The following LGSN variants were observed in gnomAD, a reference collection of about 807,000 sequenced individuals.
The protein encoded by LGSN is lengsin, lens protein with glutamine synthetase domain, also known as lengsin.
In LGSN, 21 loss-of-function variants were observed where a neutral mutation model predicts 19.5. That is an observed-to-expected ratio of 1.07 (90% CI 0.76 to 1.55). The LOEUF is 1.55. LGSN is among the 40% of genes most tolerant of loss of function. The pLI is 0.00. For synonymous variants in LGSN, 257 were observed against 215.6 expected, an observed-to-expected ratio of 1.19 and a Z score of -1.68; for missense variants, 673 against 608.5, an observed-to-expected ratio of 1.11 and a Z score of -1.12.
At chr6:63,387,326 A>G in the LGSN span, among the ~76,000 whole-genome samples, 2 of 152,180 alleles carry the variant, frequency 1.3e-5, no homozygotes, top group Admixed American at 6.5e-5. Flanking sequence ...TACTGAATAC[A>G]TAACGATGCA....
chr6:63,298,945 A>G (rs1285034413), intron 1 of LGSN, among the ~76,000 whole-genome samples: 1 of 152,228 alleles, frequency 6.6e-6, no homozygotes, highest in Non-Finnish European at 1.5e-5. Context: ...GAATCTGCTA[A>G]TCTTTTGGCT....
At chr6:63,295,952 T>G in intron 1 of LGSN, among the ~76,000 whole-genome samples, 1 of 152,180 alleles carries the variant, frequency 6.6e-6, no homozygotes, top group East Asian at 1.9e-4. Flanking sequence ...GGTCAAAAAG[T>G]ATGCTGTAAA....
At chr6:63,564,811 C>G in the LGSN span, among the ~76,000 whole-genome samples, 2 of 152,276 alleles carry the variant, frequency 1.3e-5, no homozygotes, top group African/African-American at 4.8e-5. Context: ...GGCTATAGAA[C>G]AGCAACAGAA....
At chr6:63,431,838 A>T in the LGSN span, among the ~76,000 whole-genome samples, 1 of 151,818 alleles carries the variant, frequency 6.6e-6, no homozygotes, top group Non-Finnish European at 1.5e-5. Context: ...AGGCTGAGGC[A>T]GGCGAATCAC....
At chr6:63,487,696 C>T in the LGSN span, among the ~76,000 whole-genome samples, 2 of 152,194 alleles carry the variant, frequency 1.3e-5, no homozygotes, top group African/African-American at 2.4e-5. Context: ...ATAAATAAAA[C>T]AGGGCTGAGC....
intron 1 of LGSN, among the ~76,000 whole-genome samples, chr6:63,307,045 C>T (rs1207053923): frequency 6.6e-6 from 1 of 152,018 alleles, no homozygotes; most frequent in Non-Finnish European, 1.5e-5. Flanking sequence ...GCAGTGACCA[C>T]CTGTCTTTTC....
chr6:63,505,880 A>G, the LGSN span, among the ~76,000 whole-genome samples: 61 of 152,080 alleles, frequency 4.0e-4, no homozygotes, highest in African/African-American at 1.4e-3. Context: ...GTCTGGTCTC[A>G]AACTCCTGAC....
At chr6:63,296,559 G>T (rs1484692790) in intron 1 of LGSN, among the ~76,000 whole-genome samples, 1 of 151,634 alleles carries the variant, frequency 6.6e-6, no homozygotes, top group Non-Finnish European at 1.5e-5. Context: ...ACTTAGCCAG[G>T]TATATAATTA....
chr6:63,373,555 G>A, the LGSN span, among the ~76,000 whole-genome samples: 18,425 of 152,100 alleles, frequency 0.12, 2,447 homozygotes, highest in African/African-American at 0.33. Context: ...GTAATCTTAA[G>A]AAATGTTAGG....
the LGSN span, among the ~76,000 whole-genome samples, chr6:63,477,725 G>T: frequency 9.5e-6 from 1 of 104,922 alleles, no homozygotes; most frequent in Non-Finnish European, 1.8e-5. Flanking sequence ...GTAGAGATGG[G>T]GTCTCACTCT....
intron 1 of LGSN, among the ~76,000 whole-genome samples, chr6:63,301,305 C>A (rs1768174606): frequency 6.6e-6 from 1 of 151,778 alleles, no homozygotes; most frequent in Non-Finnish European, 1.5e-5. Flanking sequence ...AAAATAAATA[C>A]AATAAAATAA....
the LGSN span, chr6:63,441,400 GA>G: frequency 2.2e-6 from 1 of 463,922 alleles, no homozygotes. Flanking sequence ...TGAAGAACCT[GA>G]AGTGGCTGGA....
chr6:63,456,122 T>C, the LGSN span, among the ~76,000 whole-genome samples: 5 of 151,388 alleles, frequency 3.3e-5, no homozygotes, highest in Admixed American at 1.3e-4. Flanking sequence ...CCCAGCTACC[T>C]GGGAGGCTGA....
the LGSN span, among the ~76,000 whole-genome samples, chr6:63,459,628 A>T: frequency 1.3e-5 from 2 of 151,874 alleles, no homozygotes; most frequent in African/African-American, 4.8e-5. Flanking sequence ...TTTGAAGTAG[A>T]ACTTCCTTTC....
At position 63,277,989 on chromosome 6, in the gene LGSN, A is replaced by G. The variant is rs2347257; in HGVS notation, c.*2032T>C. 62,943 of 151,402 alleles carry G rather than the reference A, an allele frequency of 0.42. 13,965 individuals are homozygous for G. The highest frequency in any genetic ancestry group is 0.48 in the Non-Finnish European group (32,349 of 67,950). The allele number at this position is 151,402 out of a possible 1,614,324, so 9.4% of individuals were successfully genotyped here. ...CTTGGGAGGCTGAGGCAGGAGAATT[A>G]CTTGAACCCAGGGGGCAGAGGTTGC... On this transcript the variant is annotated 3_prime_UTR_variant, in exon 4 of 4. Transcript: ENST00000370657.
chr6:63,438,532 A>C, the LGSN span, among the ~76,000 whole-genome samples: 2 of 152,218 alleles, frequency 1.3e-5, no homozygotes, highest in East Asian at 3.9e-4. Context: ...ACCCCATCAA[A>C]AAGTGGGCGA....
chr6:63,319,995 C>T (rs958278741), upstream of LGSN: 13 of 1,348,564 alleles, frequency 9.6e-6, no homozygotes, highest in Non-Finnish European at 1.4e-5. Context: ...TCAACAAATG[C>T]ATTCAACATG....
the LGSN span, among the ~76,000 whole-genome samples, chr6:63,521,413 A>G: frequency 1.3e-5 from 2 of 152,220 alleles, no homozygotes; most frequent in Admixed American, 6.5e-5. Context: ...TCAGAAGCTC[A>G]GGTAGGATCA....
At chr6:63,511,501 C>A in the LGSN span, among the ~76,000 whole-genome samples, 2 of 152,122 alleles carry the variant, frequency 1.3e-5, no homozygotes, top group African/African-American at 2.4e-5. Flanking sequence ...GGTGATCCAC[C>A]CACCTTGGCC....
Sources: allele counts gnomAD v4.1 joint callset (sites outside exome capture counted in the v4.1 genomes callset), GRCh38; gene constraint gnomAD v4.1.1; transcripts MANE v1.5; gene names NCBI Gene and HGNC (gene_info 2026-07-23, HGNC 2026-07-21).